FRYL: variants seen among roughly 807,000 people sequenced by gnomAD.
The protein encoded by FRYL is FRY like transcription coactivator, also known as protein furry homolog-like.
Under a neutral mutation model 351.2 loss-of-function variants are expected in FRYL, and 150 were observed. The observed-to-expected ratio is 0.43, with a 90% confidence interval of 0.37 to 0.49. FRYL has a LOEUF of 0.49. Ranked by LOEUF, FRYL falls within the 20% of genes least tolerant of loss-of-function variation. The probability of loss-of-function intolerance (pLI) is 0.00; values close to 1 mark genes in which losing one functional copy is unlikely to be tolerated. For missense variants in FRYL, 3,036 were observed against 3,619.3 expected (o/e 0.84, Z 4.13); for synonymous variants, 1,153 against 1,257.1 (o/e 0.92, Z 1.75).
chr4:48,686,574 T>C (rs1765172781), intron 2 of FRYL, among the ~76,000 whole-genome samples: 2 of 152,096 alleles, frequency 1.3e-5, no homozygotes, highest in Admixed American at 1.3e-4. Flanking sequence ...CACTGGACAA[T>C]ATTTAATGAG....
Position 48,576,099 on chromosome 4 carries a change from A to T in FRYL, c.2652T>A (p.Gly884=). 1.2e-6 allele frequency: 2 copies of T among 1,613,922 alleles called. No homozygotes were observed. The highest frequency in any genetic ancestry group is 1.7e-6 in the Non-Finnish European group (2 of 1,179,872). Residue 884 remains glycine, a synonymous_variant, in exon 24 of 64, where the codon GGT becomes GGA. Coordinates refer to ENST00000358350, the MANE Select transcript of FRYL (RefSeq NM_015030.2). ...AATSSSSTSA[G]SVRCSPPETL... ...TCTCAGGAGGAGAACATCTCACAGA[A>T]CCTGCAGATGTGGAAGATGACGATG... is the stretch of plus-strand genomic sequence containing the variant.
chr4:48,741,032 G>GA (rs548301237), intron 1 of FRYL, among the ~76,000 whole-genome samples: 5,689 of 137,142 alleles, frequency 0.041, 107 homozygotes, highest in Middle Eastern at 0.063. Context: ...TAGATTTGAT[G>GA]AAAAAAAAAA....
intron 3 of FRYL, among the ~76,000 whole-genome samples, chr4:48,652,383 A>T (rs949824986): frequency 1.3e-5 from 2 of 152,246 alleles, no homozygotes; most frequent in African/African-American, 4.8e-5. Context: ...TAGAAGCTAC[A>T]GTCCAGTTTA....
intron 2 of FRYL, among the ~76,000 whole-genome samples, chr4:48,705,414 T>A (rs1478279096): frequency 6.7e-6 from 1 of 149,896 alleles, no homozygotes; most frequent in Non-Finnish European, 1.5e-5. Context: ...ATTATATAGC[T>A]ATAAAAAGAA....
intron 60 of FRYL, among the ~76,000 whole-genome samples, chr4:48,503,826 A>G (rs1720288289): frequency 6.6e-6 from 1 of 152,206 alleles, no homozygotes; most frequent in East Asian, 1.9e-4. Flanking sequence ...GCACAATCCA[A>G]GGTCAAGCAT....
chr4:48,750,184 G>T (rs568507087), intron 1 of FRYL, among the ~76,000 whole-genome samples: 21 of 151,254 alleles, frequency 1.4e-4, no homozygotes, highest in African/African-American at 4.6e-4. Flanking sequence ...GAAGAGGCTG[G>T]GCTTAGTGGC....
At chr4:48,778,647 G>A (rs765913897) in intron 1 of FRYL, among the ~76,000 whole-genome samples, 4 of 152,230 alleles carry the variant, frequency 2.6e-5, no homozygotes, top group Non-Finnish European at 4.4e-5. Flanking sequence ...AGTATTGACA[G>A]ATTAAGCAGA....
chr4:48,596,084 G>A (rs1744523948), intron 13 of FRYL, 84 bp from the exon 14 acceptor site: 1 of 891,046 alleles, frequency 1.1e-6, no homozygotes, highest in African/African-American at 1.7e-5. Flanking sequence ...ACAACTAAAA[G>A]CCAATCTTTT....
At chr4:48,683,903 T>C (rs1162225541) in intron 3 of FRYL, among the ~76,000 whole-genome samples, 2 of 152,228 alleles carry the variant, frequency 1.3e-5, no homozygotes, top group South Asian at 2.1e-4. Context: ...GATCCCATGT[T>C]ATTTCCATTT....
At chr4:48,740,674 T>A (rs1012912072) in intron 1 of FRYL, among the ~76,000 whole-genome samples, 1 of 152,060 alleles carries the variant, frequency 6.6e-6, no homozygotes, top group African/African-American at 2.4e-5. Flanking sequence ...AGATGCTCCA[T>A]ATCAGACACT....
At position 48,619,339 on chromosome 4, in the gene FRYL, G is replaced by A. The variant is rs768853745; in HGVS notation, c.346C>T (p.Leu116Phe). 2.5e-5 allele frequency: 40 copies of A among 1,596,514 alleles called. No individual in the cohort carries two copies. The highest frequency in any genetic ancestry group is 3.4e-5 in the Non-Finnish European group (40 of 1,174,498). Reference protein sequence around the residue: ...DEQQRERDYLLERRDLAVDFI... With the variant: ...DEQQRERDYLFERRDLAVDFI... ...TCTACTGCTAAGTCCCTCCTTTCAA[G>A]AAGATAATCTCTTTCACGTTGCTGT... Residue 116 changes from leucine (L) to phenylalanine (F), a missense_variant, in exon 7 of 64, where the codon CTT (leucine) becomes TTT (phenylalanine). Leu to Phe is a conservative substitution (Grantham distance 22, BLOSUM62 0). This residue lies in a region of FRYL where 457 missense variants were observed against 566.6 expected (regional missense o/e 0.81). Coordinates refer to ENST00000358350, the MANE Select transcript of FRYL (RefSeq NM_015030.2).
intron 1 of FRYL, among the ~76,000 whole-genome samples, chr4:48,761,442 T>C (rs1408067498): frequency 6.6e-6 from 1 of 152,194 alleles, no homozygotes; most frequent in Admixed American, 6.5e-5. Flanking sequence ...ACTACTCATG[T>C]GTCTGAGGTA....
At chr4:48,665,765 C>T (rs1223922745) in intron 3 of FRYL, among the ~76,000 whole-genome samples, 1 of 152,156 alleles carries the variant, frequency 6.6e-6, no homozygotes, top group Non-Finnish European at 1.5e-5. Flanking sequence ...AGAAAAGAGA[C>T]TTAAACTGCA....
At position 48,499,425 on chromosome 4, in the gene FRYL, G is replaced by C. The variant is rs1683278898; in HGVS notation, c.9039C>G (p.Phe3013Leu). The C allele has an allele frequency of 6.2e-7, 1 of 1,613,720 alleles. No homozygotes were observed. Among genetic ancestry groups the C allele is most frequent in the Non-Finnish European group, 8.5e-7 (1 of 1,179,772 alleles). Residue 3013 changes from phenylalanine to leucine, a missense_variant, in exon 64 of 64, where the codon TTC becomes TTG. Around this residue, in one of 7 missense-constraint regions of FRYL, gnomAD observed 1,987 missense variants for 2,311.7 expected, o/e 0.86. Coordinates refer to ENST00000358350, the MANE Select transcript of FRYL (RefSeq NM_015030.2). ...TTTCCTAAAGGCCTGAAGTGTCTCA[G>C]AATCCAGTGCTCACCATATTTCCCA... ...KPMGNMVSTG[F>L]
intron 3 of FRYL, among the ~76,000 whole-genome samples, 154 bp downstream of exon 3, chr4:48,684,519 G>T (rs1764962953): frequency 6.6e-6 from 1 of 152,144 alleles, no homozygotes; most frequent in Non-Finnish European, 1.5e-5. Flanking sequence ...ATACTTCTAA[G>T]CACTTTAGCT....
At chr4:48,715,070 T>C (rs1486857542) in intron 1 of FRYL, among the ~76,000 whole-genome samples, 1 of 152,114 alleles carries the variant, frequency 6.6e-6, no homozygotes, top group Non-Finnish European at 1.5e-5. Flanking sequence ...CTAAATTCAA[T>C]AACCCTTCAT....
At chr4:48,663,486 A>G (rs1462776363) in intron 3 of FRYL, among the ~76,000 whole-genome samples, 3 of 151,890 alleles carry the variant, frequency 2.0e-5, no homozygotes, top group African/African-American at 7.2e-5. Context: ...AAACAGCAAG[A>G]CAGATTTAAA....
chr4:48,672,301 T>G (rs1261849656), intron 3 of FRYL, among the ~76,000 whole-genome samples: 1 of 152,202 alleles, frequency 6.6e-6, no homozygotes, highest in Non-Finnish European at 1.5e-5. Flanking sequence ...TTCTCAACAT[T>G]TCACTGCCTG....
intron 4 of FRYL, among the ~76,000 whole-genome samples, chr4:48,628,431 C>CGTGTGTGTGTGTGTGTGTGTGTGTGT (rs397993302): frequency 6.9e-6 from 1 of 144,662 alleles, no homozygotes; most frequent in Non-Finnish European, 1.5e-5. Context: ...CCTTCATTTG[C>CGTGTGTGTGTGTGTGTGTGTGTGTGT]GTGTGTGTGT....
Sources: allele counts gnomAD v4.1 joint callset (sites outside exome capture counted in the v4.1 genomes callset), GRCh38; gene constraint gnomAD v4.1.1; regional missense constraint gnomAD v4.1.1; transcripts MANE v1.5; gene names NCBI Gene and HGNC (gene_info 2026-07-23, HGNC 2026-07-21).